NKAIN3: variants seen among roughly 807,000 people sequenced by gnomAD.
NKAIN3 encodes sodium/potassium-transporting ATPase subunit beta-1-interacting protein 3.
NKAIN3 carries 25 observed loss-of-function variants against 30.2 expected under a neutral mutation model. That is an observed-to-expected ratio of 0.83 (90% confidence interval 0.60 to 1.16). The LOEUF (loss-of-function observed/expected upper bound fraction) is 1.16. Ranked by LOEUF, NKAIN3 falls within the 50% of genes most tolerant of loss-of-function variation. The pLI is 0.00. For synonymous variants in NKAIN3, 91 were observed against 89.6 expected, an observed-to-expected ratio of 1.02 and a Z score of -0.09; for missense variants, 225 against 254.1, an observed-to-expected ratio of 0.89 and a Z score of 0.78.
Position 62,824,782 on chromosome 8 carries a change from A to G in NKAIN3, c.471+77653A>G, listed in dbSNP as rs1871571. 9.7e-3 allele frequency among the ~76,000 whole-genome samples: 1,475 copies of G among 152,004 alleles called. 23 individuals carry two copies. Among genetic ancestry groups the G allele is most frequent in the African/African-American group, 0.034 (1,394 of 41,484 alleles). ...TACCACAAGCTTTATATCTACCACT[A>G]TTTAACCCACTTTATGATCTGAGCA... On this transcript the variant is annotated intron_variant, in intron 4 of 6. Transcript: ENST00000623646.
intron 1 of NKAIN3, among the ~76,000 whole-genome samples, chr8:62,498,604 C>T (rs978103432): frequency 3.9e-5 from 6 of 151,958 alleles, no homozygotes; most frequent in African/African-American, 1.5e-4. Context: ...TGGTAAGGAA[C>T]ATTCTGCCTT....
chr8:62,352,786 G>A (rs771186025), intron 1 of NKAIN3, among the ~76,000 whole-genome samples: 1 of 152,034 alleles, frequency 6.6e-6, no homozygotes, highest in Non-Finnish European at 1.5e-5. Context: ...CCGTCTTCTC[G>A]GCAAATTCTC....
intron 4 of NKAIN3, among the ~76,000 whole-genome samples, chr8:62,757,454 A>C (rs1459649701): frequency 6.6e-6 from 1 of 152,170 alleles, no homozygotes; most frequent in Non-Finnish European, 1.5e-5. Context: ...CTATGCTGAG[A>C]GCTCAGAGAC....
At chr8:62,719,433 C>T (rs571714260) in intron 3 of NKAIN3, among the ~76,000 whole-genome samples, 24 of 152,282 alleles carry the variant, frequency 1.6e-4, no homozygotes, top group African/African-American at 5.1e-4. Context: ...AAAATGGATG[C>T]TTTTCTTGAT....
intron 1 of NKAIN3, among the ~76,000 whole-genome samples, chr8:62,534,191 G>A (rs16929111): frequency 0.012 from 1,870 of 152,224 alleles, 43 homozygotes; most frequent in African/African-American, 0.043. Flanking sequence ...GTTCCCATAC[G>A]TATGTTCCAG....
chr8:62,305,171 C>T (rs1231545700), intron 1 of NKAIN3, among the ~76,000 whole-genome samples: 1 of 148,096 alleles, frequency 6.8e-6, no homozygotes, highest in Non-Finnish European at 1.5e-5. Context: ...TTATATAATA[C>T]TTAAAGGATT....
intron 1 of NKAIN3, among the ~76,000 whole-genome samples, chr8:62,449,197 C>T (rs1413496117): frequency 6.6e-6 from 1 of 151,840 alleles, no homozygotes; most frequent in East Asian, 1.9e-4. Context: ...TTATGGTTTC[C>T]AGTATTTTCC....
chr8:62,304,407 T>A (rs574954288), intron 1 of NKAIN3, among the ~76,000 whole-genome samples: 2 of 150,506 alleles, frequency 1.3e-5, no homozygotes, highest in Non-Finnish European at 2.9e-5. Context: ...GTCATCTACA[T>A]GCTTTTTTCC....
At chr8:62,773,282 T>C (rs1483008938) in intron 4 of NKAIN3, among the ~76,000 whole-genome samples, 3 of 152,154 alleles carry the variant, frequency 2.0e-5, no homozygotes, top group African/African-American at 7.2e-5. Flanking sequence ...TATGCGTTTC[T>C]GGTTTTCCCA....
chr8:62,388,634 G>T (rs902641435), intron 1 of NKAIN3, among the ~76,000 whole-genome samples: 1 of 152,176 alleles, frequency 6.6e-6, no homozygotes, highest in African/African-American at 2.4e-5. Flanking sequence ...AAACGACCAT[G>T]TTTAAATGGT....
At chr8:62,301,999 G>A (rs538107567) in intron 1 of NKAIN3, among the ~76,000 whole-genome samples, 1 of 152,142 alleles carries the variant, frequency 6.6e-6, no homozygotes, top group South Asian at 2.1e-4. Flanking sequence ...ACAGACTTTT[G>A]TAAAAGTAGC....
At chr8:62,517,926 C>CTA (rs758571166) in intron 1 of NKAIN3, among the ~76,000 whole-genome samples, 35 of 145,508 alleles carry the variant, frequency 2.4e-4, no homozygotes, top group East Asian at 7.8e-4. Flanking sequence ...GTATCTGTAT[C>CTA]TATATATATA....
At chr8:62,868,559 G>A (rs182707596) in intron 4 of NKAIN3, among the ~76,000 whole-genome samples, 2 of 152,346 alleles carry the variant, frequency 1.3e-5, no homozygotes, top group Admixed American at 6.5e-5. Flanking sequence ...TACCCGTGGT[G>A]CTGTAACTTT....
chr8:62,803,397 ATAT>A (rs1818146001), intron 4 of NKAIN3, among the ~76,000 whole-genome samples: 2 of 152,218 alleles, frequency 1.3e-5, no homozygotes, highest in Admixed American at 1.3e-4. Flanking sequence ...AAAAAAACAG[ATAT>A]TATAACAAAC....
chr8:62,955,615 T>TA (rs1823399460), intron 6 of NKAIN3, among the ~76,000 whole-genome samples: 1 of 152,204 alleles, frequency 6.6e-6, no homozygotes, highest in Non-Finnish European at 1.5e-5. Flanking sequence ...GGAAAGTTAT[T>TA]AAAAACTCCA....
At chr8:62,863,950 G>T in intron 4 of NKAIN3, 1 of 885,906 alleles carries the variant, frequency 1.1e-6, no homozygotes, top group South Asian at 1.4e-5. Flanking sequence ...CAAAGGTGGC[G>T]GTGGTGGTGG....
intron 3 of NKAIN3, among the ~76,000 whole-genome samples, chr8:62,693,274 TA>T (rs1814041803): frequency 6.6e-6 from 1 of 152,222 alleles, no homozygotes; most frequent in South Asian, 2.1e-4. Context: ...AGTAAAAAAT[TA>T]TTTTTTGAAG....
rs11373955 is a variant in NKAIN3, at chr8:62,459,059, GAA to G, written c.55-120467_55-120466del. On this transcript the variant is annotated intron_variant, in intron 1 of 6. Coordinates refer to ENST00000623646, the MANE Select transcript of NKAIN3 (RefSeq NM_001304533.3). ...TAGAGTTTATGTGTGTGTTGTCAGA[GAA>G]AAAAAAAAAAAAGCCTAGCAAGTTT... Among the ~76,000 whole-genome samples, 649 of 143,826 alleles carry G rather than the reference GAA, an allele frequency of 4.5e-3. 5 individuals are homozygous for G. The highest frequency in any genetic ancestry group is 0.016 in the African/African-American group (612 of 39,034). The allele number at this position is 143,826 out of a possible 152,430, so 94.4% of individuals were successfully genotyped here. A position where few individuals can be genotyped will look rare whatever the true frequency, so the allele number is the denominator to read the frequency against.
At chr8:62,428,800 T>G (rs948687482) in intron 1 of NKAIN3, among the ~76,000 whole-genome samples, 8 of 151,986 alleles carry the variant, frequency 5.3e-5, no homozygotes, top group Non-Finnish European at 1.0e-4. Context: ...TATTAATTGT[T>G]TCCTTTGCTG....
Sources: gnomAD v4.1 joint callset for allele counts (sites outside exome capture counted in the v4.1 genomes callset) on GRCh38, gnomAD v4.1.1 for gene constraint, MANE v1.5 for transcripts, NCBI Gene and HGNC (gene_info 2026-07-23, HGNC 2026-07-21) for gene names.